Variants in RHBG observed in about 807,000 individuals in gnomAD.
RHBG encodes ammonium transporter Rh type B.
In RHBG, 39 loss-of-function variants were observed where a neutral mutation model predicts 40.1. The ratio of observed to expected loss-of-function variants is 0.97; its 90% confidence interval spans 0.75 to 1.27. The LOEUF (loss-of-function observed/expected upper bound fraction) is 1.27. RHBG is among the 50% of genes most tolerant of loss of function. The pLI is 0.00. For synonymous variants in RHBG, 237 were observed against 252.5 expected (o/e 0.94, Z 0.58); for missense variants, 549 against 588.1 (o/e 0.93, Z 0.69).
At chr1:156,381,712 T>C in intron 5 of RHBG, 94 bp from the exon 6 acceptor site, 1 of 1,494,844 alleles carries the variant, frequency 6.7e-7, no homozygotes, top group Non-Finnish European at 9.0e-7. Context: ...CAGAGGGACT[T>C]CCAGAAGCAG....
Position 156,378,151 on chromosome 1 carries a change from G to A in RHBG, c.525+11G>A. On this transcript the variant is annotated intron_variant, in intron 3 of 9. Transcript: ENST00000537040. ...CTTCATCTCCTGGGGGTGAGAGTCT[G>A]GGGAGGGATGGAGTCGGGGGTGGGG... 1 of 1,607,840 alleles carries A rather than the reference G, an allele frequency of 6.2e-7. No individual in the cohort carries two copies. Among genetic ancestry groups the A allele is most frequent in the Non-Finnish European group, 8.5e-7 (1 of 1,176,590 alleles).
At chr1:156,381,662 G>A (rs1667645570) in intron 5 of RHBG, 144 bp from the exon 6 acceptor site, 2 of 1,378,432 alleles carry the variant, frequency 1.5e-6, no homozygotes, top group African/African-American at 2.9e-5. Flanking sequence ...GGATCAGAAT[G>A]GGAGGCGATA....
chr1:156,378,393 A>T lies in RHBG; in HGVS notation c.667A>T (p.Met223Leu), dbSNP rs372135339. 1.3e-6 allele frequency: 2 copies of T among 1,598,602 alleles called. No individual in the cohort carries two copies. The highest frequency in any genetic ancestry group is 1.1e-5 in the South Asian group (1 of 88,954). Residue 223 changes from methionine (M) to leucine (L), a missense_variant, in exon 4 of 10, where the codon ATG becomes TTG. By Grantham distance (15) the Met-to-Leu change is conservative. This residue lies in a region of RHBG where 399 missense variants were observed against 417.0 expected (regional missense o/e 0.96). Transcript: ENST00000537040. ...CGTCTACCATTCAGACCTCTTCGCC[A>T]TGATTGGTGAGGCCTTCGAGGTGCG... ...GSVYHSDLFA[M>L]IGTIFLWIFW...
chr1:156,384,561 C>CA lies in RHBG; in HGVS notation c.1269_1270insA (p.Pro424ThrfsTer19), dbSNP rs1215579259. On this transcript the variant is annotated frameshift_variant, in exon 9 of 10. Transcript: ENST00000537040. LOFTEE classifies it high-confidence loss of function. ...TGAAGCTACCCTTTCTGGACTCCCC[C>CA]CCAGACTCCCAGCACTACGAGGACC... is the stretch of plus-strand genomic sequence containing the variant. 5.6e-6 allele frequency: 9 copies of CA among 1,600,296 alleles called. No homozygotes were observed. The East Asian group carries it at 6.7e-5, about 12-fold the overall frequency.
Position 156,369,341 on chromosome 1 carries a change from C to G in RHBG, c.92C>G (p.Ala31Gly), listed in dbSNP as rs1190958681. 2.5e-5 allele frequency: 40 copies of G among 1,614,120 alleles called. No homozygotes were observed. Among genetic ancestry groups the G allele is most frequent in the Non-Finnish European group, 3.2e-5 (38 of 1,180,056 alleles). Residue 31 changes from alanine to glycine, a missense_variant, in exon 1 of 10, where the codon GCT becomes GGT. This residue lies in a region of RHBG where 99 missense variants were observed against 85.2 expected (regional missense o/e 1.16). Coordinates refer to ENST00000537040, the MANE Select transcript of RHBG (RefSeq NM_020407.5). ...FLQGATAVLF[A>G]VFVRYNHKTD... Reference sequence around the variant, plus strand: ...CAGGGCGCCACTGCCGTCCTCTTTGCTGTCTTTGTCCGCTACAACCACAAA... The same window carrying G: ...CAGGGCGCCACTGCCGTCCTCTTTGGTGTCTTTGTCCGCTACAACCACAAA...
At chr1:156,383,936 C>T (rs1008396812) in intron 8 of RHBG, among the ~76,000 whole-genome samples, 3 of 148,944 alleles carry the variant, frequency 2.0e-5, no homozygotes, top group Non-Finnish European at 4.4e-5. Flanking sequence ...CGGGTTCAAG[C>T]GATTCTCCTG....
rs755071953 is a variant in RHBG, at chr1:156,382,138, T to A, written c.1049T>A (p.Val350Asp). 6.2e-7 allele frequency: 1 copy of A among 1,613,698 alleles called. No individual in the cohort carries two copies. Among genetic ancestry groups the A allele is most frequent in the Admixed American group, 1.7e-5 (1 of 59,980 alleles). The change falls in exon 7 of 10, where the codon GTC becomes GAC. Residue 350 changes from valine to aspartate, a missense_variant. Val to Asp is a radical substitution (Grantham distance 152). This residue lies in a region of RHBG where 399 missense variants were observed against 417.0 expected (regional missense o/e 0.96). Transcript: ENST00000537040. Reference protein sequence around the residue: ...GVHNLHGMPGVLGALLGVLVA... With the variant: ...GVHNLHGMPGDLGALLGVLVA... ...CACAACCTCCATGGGATGCCGGGGG[T>A]CCTGGGGGCCCTCCTGGGGGTCCTT...
At position 156,369,405 on chromosome 1, in the gene RHBG, C is replaced by T. The variant is rs1018915314; in HGVS notation, c.156C>T (p.Asn52=). 1.9e-6 allele frequency: 3 copies of T among 1,613,636 alleles called. No individual in the cohort carries two copies. The highest frequency in any genetic ancestry group is 1.7e-5 in the Admixed American group (1 of 59,930). ...TCTGGCACCGGAGCAACCACAGTAACGCGGACAATGAATTTTACTTTCGCT... is the reference window on the plus strand; with the variant it reads ...TCTGGCACCGGAGCAACCACAGTAATGCGGACAATGAATTTTACTTTCGCT... The part of the protein sequence containing the change: ...AALWHRSNHS[N]ADNEFYFRYP... The change falls in exon 1 of 10, where the codon AAC becomes AAT. Residue 52 remains asparagine, a synonymous_variant. Coordinates refer to ENST00000537040, the MANE Select transcript of RHBG (RefSeq NM_020407.5).
intron 4 of RHBG, among the ~76,000 whole-genome samples, chr1:156,379,823 C>T (rs891602507): frequency 1.3e-5 from 2 of 152,176 alleles, no homozygotes; most frequent in African/African-American, 4.8e-5. Flanking sequence ...CACAGGGTCC[C>T]CAGCCTTCTC....
rs1474704740 is a variant in RHBG, at chr1:156,384,820, TGGAG to T, written c.1354_1357del (p.Glu452ArgfsTer27). ...GATAAAGCCCAGAGACCTCTGAGGG[TGGAG>T]GAGGCAGACACTCAGGCCTAACCCA... On this transcript the variant is annotated frameshift_variant, in exon 10 of 10. Coordinates refer to ENST00000537040, the MANE Select transcript of RHBG (RefSeq NM_020407.5). LOFTEE classifies it high-confidence loss of function. The T allele has an allele frequency of 6.2e-7, 1 of 1,613,440 alleles. No homozygotes were observed. Among genetic ancestry groups the T allele is most frequent in the South Asian group, 1.1e-5 (1 of 90,952 alleles).
intron 1 of RHBG, chr1:156,374,844 C>T (rs969780791): frequency 3.9e-6 from 1 of 258,696 alleles, no homozygotes; most frequent in South Asian, 3.5e-5. Flanking sequence ...CCTCGGCCTC[C>T]CAAAGTGCTG....
Position 156,377,626 on chromosome 1 carries a change from G to A in RHBG, c.374+139G>A. ...GTCACTTGGTTTCTCTAGGTGTCCT[G>A]CCTGTCCTTATTGCCTGACTTCCTC... On this transcript the variant is annotated intron_variant, in intron 2 of 9. Transcript: ENST00000537040. The surrounding 1 kb of genome is among the most constrained non-coding windows in gnomAD (Gnocchi z 4.6). The A allele has an allele frequency of 2.3e-6, 2 of 878,024 alleles. No homozygotes were observed. Among genetic ancestry groups the A allele is most frequent in the South Asian group, 1.8e-5 (1 of 55,898 alleles). 54.4% of individuals were successfully genotyped at this position (878,024 alleles called of 1,614,324 possible). A position where few individuals can be genotyped will look rare whatever the true frequency, so the allele number is the denominator to read the frequency against.
rs1161330003 is a variant in RHBG at position 156,377,312 on chromosome 1, G to A, written c.199G>A (p.Val67Met). ...FYFRYPSFQD[V>M]HAMVFVGFGF... ...CCTGCCCGCTGCAGGCTTCCAGGAC[G>A]TGCATGCCATGGTCTTCGTGGGCTT... The change falls in exon 2 of 10, where the codon GTG (valine) becomes ATG (methionine). Residue 67 changes from valine to methionine, a missense_variant. By Grantham distance (21) the Val-to-Met change is conservative. Coordinates refer to ENST00000537040, the MANE Select transcript of RHBG (RefSeq NM_020407.5). The surrounding 1 kb of genome is among the most constrained non-coding windows in gnomAD (Gnocchi z 4.6). 15 of 1,613,854 alleles carry A rather than the reference G, an allele frequency of 9.3e-6. No homozygotes were observed. Among genetic ancestry groups the A allele is most frequent in the South Asian group, 5.5e-5 (5 of 91,090 alleles).
chr1:156,384,384 A>G, intron 8 of RHBG, 143 bp from the exon 9 acceptor site: 1 of 787,688 alleles, frequency 1.3e-6, no homozygotes, highest in South Asian at 1.4e-5. Context: ...GTAGATGCTC[A>G]ACAAATACTG....
chr1:156,374,281 A>T (rs1467014871), intron 1 of RHBG, among the ~76,000 whole-genome samples: 1 of 152,182 alleles, frequency 6.6e-6, no homozygotes, highest in East Asian at 1.9e-4. Flanking sequence ...CCATTTGTCC[A>T]GGAAACTGGT....
intron 8 of RHBG, 155 bp from the exon 9 acceptor site, chr1:156,384,372 T>C (rs1027590582): frequency 1.1e-5 from 8 of 748,712 alleles, no homozygotes; most frequent in African/African-American, 5.2e-5. Flanking sequence ...GCCTGGCACA[T>C]AGTAGATGCT....
intron 8 of RHBG, among the ~76,000 whole-genome samples, chr1:156,383,318 A>C (rs1557807490): frequency 6.6e-6 from 1 of 152,226 alleles, no homozygotes; most frequent in East Asian, 1.9e-4. Flanking sequence ...GTTTGGCCTT[A>C]GTCTTTTTGG....
chr1:156,371,774 G>A (rs1666880006), intron 1 of RHBG: 1 of 152,366 alleles, frequency 6.6e-6, no homozygotes, highest in African/African-American at 2.4e-5. Flanking sequence ...CCCCTGACTT[G>A]CTTCTCCTCG....
At chr1:156,372,100 C>A (rs1442628456) in intron 1 of RHBG, among the ~76,000 whole-genome samples, 1 of 152,124 alleles carries the variant, frequency 6.6e-6, no homozygotes, top group Non-Finnish European at 1.5e-5. Flanking sequence ...CCCTTTGATT[C>A]GGGAGATGAA....
Sources: gnomAD v4.1 joint callset for allele counts (sites outside exome capture counted in the v4.1 genomes callset) on GRCh38, gnomAD v4.1.1 for gene constraint, gnomAD v4.1.1 regional missense constraint, Gnocchi (gnomAD v3.1) non-coding constraint, MANE v1.5 for transcripts, NCBI Gene and HGNC (gene_info 2026-07-23, HGNC 2026-07-21) for gene names.